Variants in ING5 observed in about 807,000 individuals in gnomAD.
ING5 encodes the protein inhibitor of growth protein 5.
Under a neutral mutation model 37.4 loss-of-function variants are expected in ING5, and 17 were observed. The observed-to-expected ratio is 0.45, with a 90% CI of 0.31 to 0.68. The LOEUF is 0.68. ING5 is among the 30% of genes least tolerant of loss of function. The probability of loss-of-function intolerance (pLI) is 0.05; values close to 1 mark genes in which losing one functional copy is unlikely to be tolerated. For missense variants in ING5, 233 were observed against 311.9 expected (o/e 0.75, Z 1.91); for synonymous variants, 123 against 116.6 (o/e 1.06, Z -0.36).
At chr2:241,721,551 A>G (rs922959026) in intron 5 of ING5, 2 of 985,260 alleles carry the variant, frequency 2.0e-6, no homozygotes, top group African/African-American at 3.5e-5. Context: ...ATCCAAGGAA[A>G]AGCTGAGTGT....
intron 5 of ING5, among the ~76,000 whole-genome samples, chr2:241,718,999 G>C (rs1472959795): frequency 1.3e-5 from 2 of 152,222 alleles, no homozygotes. Context: ...TTCTCCCCAG[G>C]AGGTGTTCGT....
chr2:241,710,343 C>T (rs947519457), intron 3 of ING5, among the ~76,000 whole-genome samples: 1 of 152,038 alleles, frequency 6.6e-6, no homozygotes, highest in African/African-American at 2.4e-5. Flanking sequence ...CACTGTGTCG[C>T]CCAGACTAGG....
Position 241,709,365 on chromosome 2 carries a change from A to G in ING5, c.259A>G (p.Met87Val), listed in dbSNP as rs2124905638. 3 of 1,613,476 alleles carry G rather than the reference A, an allele frequency of 1.9e-6. No homozygotes were observed. The highest frequency in any genetic ancestry group is 2.5e-6 in the Non-Finnish European group (3 of 1,179,856). ...EYSDDKVQLA[M>V]QTYEMVDKHI... ...CAGTGACGACAAAGTGCAGCTGGCC[A>G]TGCAGACCTACGAGATGGTGAGGGC... is the stretch of plus-strand genomic sequence containing the variant. Residue 87 changes from methionine (M) to valine (V), a missense_variant, in exon 3 of 8, where the codon ATG becomes GTG. Around this residue, in one of 4 missense-constraint regions of ING5, gnomAD observed 19 missense variants for 45.8 expected, o/e 0.41. Coordinates refer to ENST00000313552, the MANE Select transcript of ING5 (RefSeq NM_032329.6).
intron 7 of ING5, chr2:241,724,077 C>G: frequency 7.3e-7 from 1 of 1,361,140 alleles, no homozygotes; most frequent in Non-Finnish European, 9.5e-7. Flanking sequence ...AAATGGATAT[C>G]TATGTTCTGA....
intron 7 of ING5, 48 bp downstream of exon 7, chr2:241,723,319 T>G (rs778078391): frequency 3.2e-6 from 5 of 1,579,594 alleles, no homozygotes; most frequent in Non-Finnish European, 4.4e-6. Flanking sequence ...TGCTGGGTGT[T>G]GCGCTGCTGG....
chr2:241,720,961 G>GC, intron 5 of ING5: 1 of 985,660 alleles, frequency 1.0e-6, no homozygotes. Context: ...GTCCCCTCAG[G>GC]CCCCCGGCCC....
At chr2:241,701,996 G>T, upstream of ING5, 1 of 1,172,302 alleles carries the variant, frequency 8.5e-7, no homozygotes, top group South Asian at 2.2e-5. Context: ...GAGCGCGCTG[G>T]CACCGCCCCG....
chr2:241,712,088 T>G lies in ING5; in HGVS notation c.482+17T>G, dbSNP rs907322993. ...CAAAGGAGGGTAAGAGGCTTTCCCC[T>G]CTTTTTCCCAAAAGAACGAATACCC... is the stretch of plus-strand genomic sequence containing the variant. On this transcript the variant is annotated intron_variant, in intron 5 of 7. Coordinates refer to ENST00000313552, the MANE Select transcript of ING5 (RefSeq NM_032329.6). 8 of 1,564,354 alleles carry G rather than the reference T, an allele frequency of 5.1e-6. No individual in the cohort carries two copies. The highest frequency in any genetic ancestry group is 2.3e-5 in the East Asian group (1 of 44,168).
intron 2 of ING5, among the ~76,000 whole-genome samples, chr2:241,705,599 A>G (rs918788749): frequency 9.5e-5 from 14 of 147,418 alleles, no homozygotes; most frequent in African/African-American, 3.5e-4. Flanking sequence ...GGGTTTCACC[A>G]TGTTCACCAT....
At position 241,725,393 on chromosome 2, in the gene ING5, C is replaced by G; in HGVS notation, c.*362C>G. ...CGGCCGCCACCCTCGCGTAGCTTTC[C>G]TGTGGTTTTCCAGGACTGTCCGGTA... On this transcript the variant is annotated 3_prime_UTR_variant, in exon 8 of 8. Transcript: ENST00000313552. The G allele has an allele frequency of 1.1e-5, 3 of 280,392 alleles. No individual in the cohort carries two copies. Among genetic ancestry groups the G allele is most frequent in the South Asian group, 1.1e-4 (3 of 28,226 alleles). 17.4% of individuals were successfully genotyped at this position (280,392 alleles called of 1,614,324 possible).
chr2:241,723,702 G>A, intron 7 of ING5: 1 of 1,527,682 alleles, frequency 6.5e-7, no homozygotes, highest in Non-Finnish European at 9.0e-7. Flanking sequence ...CTCTGCCCCT[G>A]GCTCTGTCTA....
At chr2:241,703,199 GT>G (rs2069798220) in intron 1 of ING5, among the ~76,000 whole-genome samples, 1 of 152,210 alleles carries the variant, frequency 6.6e-6, no homozygotes, top group South Asian at 2.1e-4. Flanking sequence ...CTTTGTGTGT[GT>G]CTGGGAGGCT....
chr2:241,727,438 C>T lies in ING5; in HGVS notation c.*2407C>T, dbSNP rs1383429654. 2.0e-5 allele frequency: 3 copies of T among 152,248 alleles called. No individual in the cohort carries two copies. Among genetic ancestry groups the T allele is most frequent in the Non-Finnish European group, 2.9e-5 (2 of 68,040 alleles). The allele number at this position is 152,248 out of a possible 1,614,324, so 9.4% of individuals were successfully genotyped here. On this transcript the variant is annotated 3_prime_UTR_variant, in exon 8 of 8. Coordinates refer to ENST00000313552, the MANE Select transcript of ING5 (RefSeq NM_032329.6). ...AAGTGATTCTCTTGCCTTAGCCTCC[C>T]GAGCAGCTGGGATTATAGGCGTCCA...
At chr2:241,696,897 T>C (rs2069637766) in intron 2 of ING5, among the ~76,000 whole-genome samples, 1 of 148,736 alleles carries the variant, frequency 6.7e-6, no homozygotes, top group Non-Finnish European at 1.5e-5. Flanking sequence ...TCCTGGCCAA[T>C]GTGGCGAAAC....
rs369133541 is a variant in ING5, at chr2:241,709,227, G to C, written c.121G>C (p.Glu41Gln). Reference sequence around the variant, plus strand: ...CATTTCTCCATCAGATAAGAAAGCAGAGATTGACATCCTGGCTGCAGAGTA... The same window carrying C: ...CATTTCTCCATCAGATAAGAAAGCACAGATTGACATCCTGGCTGCAGAGTA... ...LDQRTEDKKA[E>Q]IDILAAEYIS... Residue 41 changes from glutamate to glutamine, a missense_variant, in exon 3 of 8, where the codon GAG (glutamate) becomes CAG (glutamine). Transcript: ENST00000313552. 1 of 1,611,758 alleles carries C rather than the reference G, an allele frequency of 6.2e-7. No individual in the cohort carries two copies. The highest frequency in any genetic ancestry group is 8.5e-7 in the Non-Finnish European group (1 of 1,178,720).
At position 241,725,685 on chromosome 2, in the gene ING5, C is replaced by T. The variant is rs1452985712; in HGVS notation, c.*654C>T. 1 of 152,638 alleles carries T rather than the reference C, an allele frequency of 6.6e-6. No homozygotes were observed. Among genetic ancestry groups the T allele is most frequent in the Non-Finnish European group, 1.5e-5 (1 of 68,046 alleles). 9.5% of individuals were successfully genotyped at this position (152,638 alleles called of 1,614,324 possible). ...CTCACCTCCGGAGTAAACGGCTCTT[C>T]ATTAGCTTGGAGTGGCCGCAGGTCC... On this transcript the variant is annotated 3_prime_UTR_variant, in exon 8 of 8. Transcript: ENST00000313552.
At chr2:241,699,377 A>G (rs1172978927), upstream of ING5, among the ~76,000 whole-genome samples, 6 of 152,126 alleles carry the variant, frequency 3.9e-5, no homozygotes, top group South Asian at 6.2e-4. Flanking sequence ...CTGGTTTTCA[A>G]TATTTGACTG....
chr2:241,707,738 A>G (rs2069967565), intron 2 of ING5, among the ~76,000 whole-genome samples: 2 of 152,186 alleles, frequency 1.3e-5, no homozygotes, highest in Admixed American at 6.6e-5. Context: ...TGCTTAACAA[A>G]TATTACCAGG....
At chr2:241,704,503 G>C in intron 1 of ING5, 150 bp from the exon 2 acceptor site, 1 of 624,954 alleles carries the variant, frequency 1.6e-6, no homozygotes, top group South Asian at 1.7e-5. Context: ...GGGAGGTGTA[G>C]GTTGCAGTGA....
Sources: allele counts gnomAD v4.1 joint callset (sites outside exome capture counted in the v4.1 genomes callset), GRCh38; gene constraint gnomAD v4.1.1; regional missense constraint gnomAD v4.1.1; transcripts MANE v1.5; gene names NCBI Gene and HGNC (gene_info 2026-07-23, HGNC 2026-07-21).